KCMF1: variants seen among roughly 807,000 people sequenced by gnomAD.
KCMF1 encodes E3 ubiquitin-protein ligase KCMF1.
Under a neutral mutation model 41.1 loss-of-function variants are expected in KCMF1, and 3 were observed. The observed-to-expected ratio is 0.07, with a 90% CI of 0.03 to 0.19. The LOEUF (loss-of-function observed/expected upper bound fraction) is 0.19, where lower values mean the gene tolerates loss of function less well. Ranked by LOEUF, KCMF1 falls within the 10% of genes least tolerant of loss-of-function variation. The pLI is 1.00. For missense variants in KCMF1, 286 were observed against 488.9 expected (o/e 0.58, Z 3.91); for synonymous variants, 142 against 164.5 (o/e 0.86, Z 1.04).
intron 1 of KCMF1, among the ~76,000 whole-genome samples, chr2:85,008,282 GATATATAAT>G (rs1348667456): frequency 9.2e-5 from 7 of 75,826 alleles, no homozygotes; most frequent in East Asian, 5.9e-4. Flanking sequence ...TATATAATAT[GATATATAAT>G]ATATATAATA....
intron 3 of KCMF1, among the ~76,000 whole-genome samples, chr2:85,042,948 C>G (rs1051065785): frequency 6.6e-6 from 1 of 152,190 alleles, no homozygotes; most frequent in Non-Finnish European, 1.5e-5. Context: ...TGAGCCTGAC[C>G]TGGTTACAAG....
At chr2:85,041,926 C>CA (rs2104051741) in intron 3 of KCMF1, among the ~76,000 whole-genome samples, 1 of 152,240 alleles carries the variant, frequency 6.6e-6, no homozygotes, top group Admixed American at 6.5e-5. Flanking sequence ...CAGGTAATGT[C>CA]AGAGTACAGG....
At chr2:84,985,429 T>G (rs759812238) in intron 1 of KCMF1, among the ~76,000 whole-genome samples, 7 of 152,254 alleles carry the variant, frequency 4.6e-5, no homozygotes, top group Non-Finnish European at 7.3e-5. Context: ...ACCGTTCTTT[T>G]AAGCTTTGTC....
intron 1 of KCMF1, among the ~76,000 whole-genome samples, chr2:85,007,795 A>G (rs1371914866): frequency 6.7e-6 from 1 of 149,048 alleles, no homozygotes; most frequent in Non-Finnish European, 1.5e-5. Flanking sequence ...TTTTTGAGAC[A>G]GAGTCTCGTC....
chr2:85,016,825 G>T (rs190373883), intron 1 of KCMF1, among the ~76,000 whole-genome samples: 1 of 151,680 alleles, frequency 6.6e-6, no homozygotes, highest in Non-Finnish European at 1.5e-5. Flanking sequence ...GAGTAACTGG[G>T]ATTACAGGCA....
intron 1 of KCMF1, among the ~76,000 whole-genome samples, chr2:84,986,806 C>G (rs752278959): frequency 6.6e-6 from 1 of 151,990 alleles, no homozygotes; most frequent in African/African-American, 2.4e-5. Flanking sequence ...CGCTTGAACC[C>G]GAGAGGTGGA....
intron 1 of KCMF1, among the ~76,000 whole-genome samples, chr2:84,984,481 A>G (rs1673847486): frequency 6.6e-6 from 1 of 151,886 alleles, no homozygotes; most frequent in South Asian, 2.1e-4. Flanking sequence ...TTTAACATAT[A>G]CTGGTTTCAT....
At chr2:84,973,153 G>C (rs539013541) in intron 1 of KCMF1, among the ~76,000 whole-genome samples, 263 of 152,314 alleles carry the variant, frequency 1.7e-3, no homozygotes, top group African/African-American at 6.2e-3. Context: ...AAAACTGGGA[G>C]GGTTAGTTAG....
intron 1 of KCMF1, among the ~76,000 whole-genome samples, chr2:85,021,894 A>G (rs1278483556): frequency 3.3e-5 from 5 of 151,930 alleles, no homozygotes; most frequent in Non-Finnish European, 7.4e-5. Flanking sequence ...TCGGCTCACT[A>G]CAACCTCCGC....
chr2:85,034,178 G>T (rs1243132792), intron 2 of KCMF1, among the ~76,000 whole-genome samples: 1 of 152,138 alleles, frequency 6.6e-6, no homozygotes, highest in East Asian at 1.9e-4. Context: ...GTAAGACCTT[G>T]TCTCAAAAAA....
At chr2:85,047,446 T>G (rs1252529956) in intron 5 of KCMF1, among the ~76,000 whole-genome samples, 1 of 152,142 alleles carries the variant, frequency 6.6e-6, no homozygotes, top group East Asian at 1.9e-4. Flanking sequence ...ATTTCAGAAC[T>G]GTTATCTATA....
At chr2:85,042,250 G>T (rs1675558162) in intron 3 of KCMF1, among the ~76,000 whole-genome samples, 1 of 152,196 alleles carries the variant, frequency 6.6e-6, no homozygotes, top group Non-Finnish European at 1.5e-5. Flanking sequence ...TTAGGCATAA[G>T]AGAGACTGAT....
At chr2:85,025,972 G>A (rs138383267) in intron 1 of KCMF1, among the ~76,000 whole-genome samples, 3 of 151,720 alleles carry the variant, frequency 2.0e-5, no homozygotes, top group African/African-American at 4.8e-5. Flanking sequence ...CCCACCTACA[G>A]AATTTTAAAT....
chr2:85,006,025 A>G (rs780201164), intron 1 of KCMF1, among the ~76,000 whole-genome samples: 1 of 152,124 alleles, frequency 6.6e-6, no homozygotes, highest in Non-Finnish European at 1.5e-5. Context: ...CTCTTCAGTA[A>G]TGCCTGGTCA....
At chr2:84,982,048 G>C (rs1673771151) in intron 1 of KCMF1, among the ~76,000 whole-genome samples, 1 of 152,140 alleles carries the variant, frequency 6.6e-6, no homozygotes, top group African/African-American at 2.4e-5. Flanking sequence ...CTCCCAATGT[G>C]CTGGGATTAC....
intron 1 of KCMF1, among the ~76,000 whole-genome samples, chr2:85,023,991 C>T (rs1270619152): frequency 6.6e-6 from 1 of 152,074 alleles, no homozygotes; most frequent in African/African-American, 2.4e-5. Flanking sequence ...TGTTTACTGG[C>T]CATTTATGTT....
intron 2 of KCMF1, among the ~76,000 whole-genome samples, chr2:85,033,054 G>A (rs1030448732): frequency 1.3e-5 from 2 of 152,126 alleles, no homozygotes; most frequent in Admixed American, 6.6e-5. Flanking sequence ...TTTGGTAGAT[G>A]CCCTTTATCA....
chr2:85,049,689 T>C (rs2104065990), intron 6 of KCMF1, 41 bp downstream of exon 6: 2 of 1,482,822 alleles, frequency 1.3e-6, no homozygotes, highest in East Asian at 2.3e-5. Context: ...GGAAGTAATA[T>C]TTTATTGCCA....
intron 1 of KCMF1, among the ~76,000 whole-genome samples, chr2:85,025,196 A>G (rs953556491): frequency 6.6e-6 from 1 of 152,150 alleles, no homozygotes; most frequent in Non-Finnish European, 1.5e-5. Context: ...TTTATTATGA[A>G]CCTTCCAGTC....
Sources: allele counts gnomAD v4.1 joint callset (sites outside exome capture counted in the v4.1 genomes callset), GRCh38; gene constraint gnomAD v4.1.1; transcripts MANE v1.5; gene names NCBI Gene and HGNC (gene_info 2026-07-23, HGNC 2026-07-21).